The following TRPM1 variants were observed in gnomAD, a reference collection of about 807,000 sequenced individuals.
The protein encoded by TRPM1 is TRPM1-203 APA Isoform, Intron 10.
TRPM1 carries 113 observed loss-of-function variants against 149.4 expected under a neutral mutation model. The observed-to-expected ratio is 0.76, with a 90% confidence interval of 0.65 to 0.88. The LOEUF is 0.88. TRPM1 is among the 40% of genes least tolerant of loss of function. The pLI, the probability that TRPM1 is intolerant of heterozygous loss-of-function variation, is 0.00. For synonymous variants in TRPM1, 741 were observed against 759.5 expected (o/e 0.98, Z 0.40); for missense variants, 1,976 against 2,038.7 (o/e 0.97, Z 0.59).
At position 31,062,686 on chromosome 15, in the gene TRPM1, G is replaced by T; in HGVS notation, c.982C>A (p.Leu328Ile). 6.2e-7 allele frequency: 1 copy of T among 1,614,004 alleles called. No homozygotes were observed. Among genetic ancestry groups the T allele is most frequent in the East Asian group, 2.2e-5 (1 of 44,878 alleles). ...ATGGTAACTAGAAGCTGCTCCCTGA[G>T]GGACTCATTTATTATTCTGTTCAAA... ...CEEGGIINESLREQLLVTIQK... is the reference protein window; with the variant it reads ...CEEGGIINESIREQLLVTIQK... The change falls in exon 9 of 28, where the codon CTC becomes ATC. Residue 328 changes from leucine (L) to isoleucine (I), a missense_variant. Around this residue, in one of 3 missense-constraint regions of TRPM1, gnomAD observed 1,332 missense variants for 1,347.1 expected, o/e 0.99. Transcript: ENST00000256552.
At chr15:31,121,042 G>C (rs907975464) in intron 1 of TRPM1, among the ~76,000 whole-genome samples, 1 of 151,834 alleles carries the variant, frequency 6.6e-6, no homozygotes, top group Non-Finnish European at 1.5e-5. Context: ...GCCTGGCCAA[G>C]ATGGTGAAAC....
chr15:31,123,536 G>A (rs934915828), intron 1 of TRPM1, among the ~76,000 whole-genome samples: 7 of 152,250 alleles, frequency 4.6e-5, no homozygotes, highest in Non-Finnish European at 7.4e-5. Flanking sequence ...ACACCTCACC[G>A]AAGAAGATAT....
In TRPM1 at chr15:31,047,218, T is replaced by C. The variant is rs759698794; in HGVS notation, c.1657A>G (p.Ile553Val). ...TACTCCAGCACGAGCCCGATGTCTA[T>C]GAGGCTGATGTGGTAATCAGGCGGA... ...NLPPDYHISL[I>V]DIGLVLEYLM... Residue 553 changes from isoleucine (I) to valine (V), a missense_variant, in exon 15 of 28, where the codon ATA becomes GTA. Physicochemically the swap from Ile to Val is conservative, Grantham distance 29. Coordinates refer to ENST00000256552, the MANE Select transcript of TRPM1 (RefSeq NM_001252024.2). 3.7e-6 allele frequency: 6 copies of C among 1,614,094 alleles called. No individual in the cohort carries two copies. In the East Asian group the frequency reaches 6.7e-5, roughly 18 times the overall value.
At chr15:31,110,434 C>T (rs996656553) in intron 1 of TRPM1, among the ~76,000 whole-genome samples, 3 of 152,002 alleles carry the variant, frequency 2.0e-5, no homozygotes, top group Admixed American at 1.3e-4. Context: ...CACTGACTGA[C>T]GAAAAAAATA....
intron 27 of TRPM1, among the ~76,000 whole-genome samples, chr15:31,007,647 GCGCAGCAACAA>G (rs1192928069): frequency 0.016 from 1,004 of 64,472 alleles, 8 homozygotes; most frequent in African/African-American, 0.054. Flanking sequence ...AACAACAGCA[GCGCAGCAACAA>G]CAACAACAAC....
chr15:31,151,619 C>T (rs1202463040), intron 1 of TRPM1, among the ~76,000 whole-genome samples: 1 of 152,262 alleles, frequency 6.6e-6, no homozygotes, highest in Non-Finnish European at 1.5e-5. Context: ...CAGCCCCATC[C>T]AGCCCAGTGG....
chr15:31,087,409 GCCCC>G (rs2035034389), intron 1 of TRPM1, among the ~76,000 whole-genome samples: 1 of 151,026 alleles, frequency 6.6e-6, no homozygotes, highest in Non-Finnish European at 1.5e-5. Context: ...CCATCACCAC[GCCCC>G]GCTAATTTTT....
chr15:31,022,998 A>G (rs900543964), intron 27 of TRPM1, among the ~76,000 whole-genome samples: 1 of 152,260 alleles, frequency 6.6e-6, no homozygotes, highest in African/African-American at 2.4e-5. Context: ...CTGGGCACAG[A>G]GCGAGACCTT....
intron 23 of TRPM1, 40 bp from the exon 24 acceptor site, chr15:31,029,431 G>T (rs1278721122): frequency 6.2e-7 from 1 of 1,609,472 alleles, no homozygotes; most frequent in Admixed American, 1.7e-5. Flanking sequence ...GTTTTGTTTT[G>T]TTTTGACAGG....
intron 1 of TRPM1, 36 bp from the exon 2 acceptor site, chr15:31,081,474 G>A: frequency 7.5e-7 from 1 of 1,339,496 alleles, no homozygotes. Context: ...GAGTCACTTT[G>A]CCTGCAGCCT....
chr15:31,060,742 C>T, intron 10 of TRPM1, 98 bp from the exon 11 acceptor site: 1 of 943,716 alleles, frequency 1.1e-6, no homozygotes, highest in Non-Finnish European at 1.7e-6. Flanking sequence ...CCTTGGGCTG[C>T]TGGCCTAGAA....
chr15:31,058,903 G>A (rs75765136), intron 11 of TRPM1, among the ~76,000 whole-genome samples: 4,476 of 152,038 alleles, frequency 0.029, 209 homozygotes, highest in African/African-American at 0.097. Context: ...CCGACATGGT[G>A]AAACCCTGTG....
At chr15:31,123,293 C>T (rs745368288) in intron 1 of TRPM1, among the ~76,000 whole-genome samples, 3 of 152,110 alleles carry the variant, frequency 2.0e-5, no homozygotes, top group Non-Finnish European at 4.4e-5. Flanking sequence ...TTTTCAGATG[C>T]AATGTCAAAA....
Position 31,001,857 on chromosome 15 carries a change from TA to T in TRPM1, c.4842del (p.Lys1615ArgfsTer22), listed in dbSNP as rs2141098146. On this transcript the variant is annotated frameshift_variant, in exon 28 of 28. Transcript: ENST00000256552. LOFTEE classifies it high-confidence loss of function. Reference protein sequence around the residue: ...VSGMTAEEKKVKKEKASTETE... With the variant: ...VSGMTAEEKKXKKEKASTETE... ...GTTTCTGTGGAAGCTTTCTCTTTCT[TA>T]ACCTTTTTTTCTTCTGCTGTCATTC... 1 of 1,613,444 alleles carries T rather than the reference TA, an allele frequency of 6.2e-7. No homozygotes were observed. The highest frequency in any genetic ancestry group is 8.5e-7 in the Non-Finnish European group (1 of 1,180,016).
At position 31,138,796 on chromosome 15, in the gene TRPM1, T is replaced by TA. The variant is rs539755503; in HGVS notation, c.54+22109dup. ...AACTTCTTGGCACTTAGCTGACTTT[T>TA]AAAAAAAATTCTTTGTAAAAGAAAT... On this transcript the variant is annotated intron_variant, in intron 1 of 26. Transcript: ENST00000542188. Among the ~76,000 whole-genome samples, 163 of 152,218 alleles carry TA rather than the reference T, an allele frequency of 1.1e-3. 1 individual carries two copies. Among genetic ancestry groups the TA allele is most frequent in the Non-Finnish European group, 1.8e-3 (123 of 68,000 alleles).
At chr15:31,077,554 CAG>C (rs970203307) in intron 2 of TRPM1, among the ~76,000 whole-genome samples, 3 of 152,028 alleles carry the variant, frequency 2.0e-5, no homozygotes, top group Non-Finnish European at 4.4e-5. Context: ...AGTCAGTTGG[CAG>C]AGAGAGCTGG....
At chr15:31,136,317 C>A (rs1295804414) in intron 1 of TRPM1, among the ~76,000 whole-genome samples, 1 of 152,182 alleles carries the variant, frequency 6.6e-6, no homozygotes, top group Non-Finnish European at 1.5e-5. Context: ...CCACACCAGC[C>A]CCTGCCGTGC....
At position 31,063,487 on chromosome 15, in the gene TRPM1, A is replaced by T. The variant is rs561399144; in HGVS notation, c.791-195T>A. On this transcript the variant is annotated intron_variant, in intron 7 of 27. Coordinates refer to ENST00000256552, the MANE Select transcript of TRPM1 (RefSeq NM_001252024.2). ...CTTTTTTCTTTTTTGAGACAGAATCACACTCTGTCCCCCAAGCTGGAGTGC... is the reference window on the plus strand; with the variant it reads ...CTTTTTTCTTTTTTGAGACAGAATCTCACTCTGTCCCCCAAGCTGGAGTGC... Among the ~76,000 whole-genome samples the T allele has an allele frequency of 1.6e-3, 248 of 152,104 alleles. 1 individual carries two copies. The highest frequency in any genetic ancestry group is 1.8e-3 in the Non-Finnish European group (122 of 67,984).
chr15:31,002,300 C>A lies in TRPM1; in HGVS notation c.4400G>T (p.Gly1467Val). 1 of 1,614,218 alleles carries A rather than the reference C, an allele frequency of 6.2e-7. No individual in the cohort carries two copies. Among genetic ancestry groups the A allele is most frequent in the Non-Finnish European group, 8.5e-7 (1 of 1,180,036 alleles). ...MKSRSFVYSR[G>V]RKLVGGVNQD... ...GTTAACCCCACCGACCAGCTTTCTT[C>A]CCCGGGAATAGACGAAGCTTCTGGA... Residue 1467 changes from glycine (G) to valine (V), a missense_variant, in exon 28 of 28, where the codon GGA becomes GTA. This residue lies in a region of TRPM1 where 572 missense variants were observed against 578.9 expected (regional missense o/e 0.99). Transcript: ENST00000256552.
Sources: gnomAD v4.1 joint callset for allele counts (sites outside exome capture counted in the v4.1 genomes callset) on GRCh38, gnomAD v4.1.1 for gene constraint, gnomAD v4.1.1 regional missense constraint, MANE v1.5 for transcripts, NCBI Gene and HGNC (gene_info 2026-07-23, HGNC 2026-07-21) for gene names.